The following DLG2 variants were observed in gnomAD, a reference collection of about 807,000 sequenced individuals.
DLG2 encodes the protein disks large homolog 2.
Under a neutral mutation model 132.5 loss-of-function variants are expected in DLG2, and 45 were observed. The observed-to-expected ratio is 0.34, with a 90% CI of 0.27 to 0.44. The LOEUF is 0.44. Ranked by LOEUF, DLG2 falls within the 20% of genes least tolerant of loss-of-function variation. The pLI, the probability that DLG2 is intolerant of heterozygous loss-of-function variation, is 1.00. For synonymous variants in DLG2, 424 were observed against 419.6 expected (o/e 1.01, Z -0.13); for missense variants, 1,045 against 1,196.9 (o/e 0.87, Z 1.87).
At chr11:85,395,448 G>A (rs1565427395) in intron 3 of DLG2, among the ~76,000 whole-genome samples, 1 of 152,158 alleles carries the variant, frequency 6.6e-6, no homozygotes, top group Non-Finnish European at 1.5e-5. Flanking sequence ...AAGCAGGGCG[G>A]GGTGTTGCCT....
intron 6 of DLG2, among the ~76,000 whole-genome samples, chr11:84,906,903 G>A (rs1433338222): frequency 2.6e-5 from 4 of 152,098 alleles, no homozygotes. Context: ...GCTAAAATGA[G>A]GGTATCAGTA....
At chr11:85,495,938 A>G (rs538831066) in intron 3 of DLG2, among the ~76,000 whole-genome samples, 3 of 152,344 alleles carry the variant, frequency 2.0e-5, no homozygotes, top group South Asian at 2.1e-4. Flanking sequence ...GGCTTCCAAG[A>G]TGGCCAAACA....
intron 6 of DLG2, among the ~76,000 whole-genome samples, chr11:84,991,508 C>CAAAAAAAAAA (rs760113916): frequency 9.2e-6 from 1 of 108,742 alleles, no homozygotes; most frequent in Non-Finnish European, 2.0e-5. Flanking sequence ...GACACCTTCT[C>CAAAAAAAAAA]AAAAAAAAAA....
chr11:84,706,142 C>A (rs1203409653), intron 6 of DLG2, among the ~76,000 whole-genome samples: 5 of 151,784 alleles, frequency 3.3e-5, no homozygotes, highest in African/African-American at 1.2e-4. Flanking sequence ...GGCTTCCCTC[C>A]TTGGATAGCG....
At chr11:83,721,816 T>C (rs1216446573) in intron 18 of DLG2, among the ~76,000 whole-genome samples, 1 of 152,082 alleles carries the variant, frequency 6.6e-6, no homozygotes, top group Non-Finnish European at 1.5e-5. Context: ...TGAATATAAA[T>C]AAAGAAGGTG....
At chr11:84,439,500 C>A (rs889371577) in intron 7 of DLG2, among the ~76,000 whole-genome samples, 1 of 152,162 alleles carries the variant, frequency 6.6e-6, no homozygotes, top group Non-Finnish European at 1.5e-5. Context: ...ATTTCTTTTG[C>A]TCTATGCTCC....
rs543617674 is a variant in DLG2 at position 84,785,908 on chromosome 11, T to A, written c.358-251177A>T. The stretch of plus-strand genomic sequence containing the variant: ...GACATAACAAAATATTTCAGTTCCA[T>A]CTTGTCATTTTCCTACCTAAGACCT... On this transcript the variant is annotated intron_variant, in intron 6 of 27. Transcript: ENST00000376104. 7.6e-4 allele frequency among the ~76,000 whole-genome samples: 115 copies of A among 152,238 alleles called. 3 individuals carry two copies. The highest frequency in any genetic ancestry group is 7.3e-3 in the Admixed American group (111 of 15,288).
At chr11:84,251,426 T>G (rs997076759) in intron 7 of DLG2, 135 bp from the exon 8 acceptor site, 2 of 554,974 alleles carry the variant, frequency 3.6e-6, no homozygotes, top group African/African-American at 4.0e-5. Flanking sequence ...CAAGTGTTAG[T>G]AGGGTAAATA....
chr11:84,672,866 A>T (rs748929723), intron 6 of DLG2, among the ~76,000 whole-genome samples: 9 of 152,136 alleles, frequency 5.9e-5, no homozygotes, highest in African/African-American at 1.7e-4. Flanking sequence ...TCCACAGGCT[A>T]TGCAGGAAGC....
chr11:83,780,554 A>G (rs748433920), intron 18 of DLG2, among the ~76,000 whole-genome samples: 29 of 152,186 alleles, frequency 1.9e-4, no homozygotes, highest in Admixed American at 7.9e-4. Context: ...ATCTGTGAGG[A>G]TAGGAATCAA....
intron 18 of DLG2, among the ~76,000 whole-genome samples, chr11:83,690,323 T>C (rs780657145): frequency 2.6e-5 from 4 of 151,370 alleles, no homozygotes; most frequent in Non-Finnish European, 5.9e-5. Context: ...GAAGCAACAC[T>C]GGGACAATAG....
At chr11:84,015,144 A>G (rs1031809725) in intron 11 of DLG2, among the ~76,000 whole-genome samples, 71 of 152,136 alleles carry the variant, frequency 4.7e-4, no homozygotes, top group Non-Finnish European at 1.5e-4. Context: ...TCAGTACTCA[A>G]TAAATATTAA....
intron 21 of DLG2, among the ~76,000 whole-genome samples, chr11:83,495,728 G>A (rs1225056396): frequency 6.6e-6 from 1 of 152,062 alleles, no homozygotes; most frequent in African/African-American, 2.4e-5. Flanking sequence ...TCTCACTCAT[G>A]CCCACCTGGA....
intron 3 of DLG2, among the ~76,000 whole-genome samples, chr11:85,320,663 T>C (rs2081000141): frequency 6.6e-6 from 1 of 151,798 alleles, no homozygotes; most frequent in African/African-American, 2.4e-5. Context: ...AAATAGTCAG[T>C]AAAGAGGTGA....
chr11:83,684,315 G>A (rs1303793667), intron 18 of DLG2: 1 of 152,110 alleles, frequency 6.6e-6, no homozygotes, highest in African/African-American at 2.4e-5. Flanking sequence ...ACCCTCTGTG[G>A]GACAAGGTGA....
At position 84,279,780 on chromosome 11, in the gene DLG2, G is replaced by A. The variant is rs545024787; in HGVS notation, c.520-28489C>T. Among the ~76,000 whole-genome samples, 10 of 152,288 alleles carry A rather than the reference G, an allele frequency of 6.6e-5. No individual in the cohort carries two copies. In the East Asian group the frequency reaches 1.9e-3, roughly 29 times the overall value. On this transcript the variant is annotated intron_variant, in intron 7 of 27. Coordinates refer to ENST00000376104, the MANE Select transcript of DLG2 (RefSeq NM_001142699.3). ...CAATGAGAACAAATGGACACGGGGA[G>A]GGGAACATCACACACTGGGGCCTGT...
intron 6 of DLG2, among the ~76,000 whole-genome samples, chr11:84,833,064 AG>A (rs66517917): frequency 0.55 from 83,400 of 150,980 alleles, 23,355 homozygotes; most frequent in Middle Eastern, 0.74. Flanking sequence ...AATGAACTAT[AG>A]AAAAATTTTA....
intron 3 of DLG2, among the ~76,000 whole-genome samples, chr11:85,308,455 C>A (rs1329614520): frequency 6.6e-6 from 1 of 152,066 alleles, no homozygotes; most frequent in African/African-American, 2.4e-5. Context: ...TGGCAGAAAA[C>A]CAGAGAATAG....
At chr11:84,945,074 G>A (rs761574653) in intron 6 of DLG2, among the ~76,000 whole-genome samples, 31 of 152,138 alleles carry the variant, frequency 2.0e-4, no homozygotes, top group East Asian at 3.9e-4. Context: ...TCATGTTTTC[G>A]TAGATGGTCT....
Sources: allele counts gnomAD v4.1 joint callset (sites outside exome capture counted in the v4.1 genomes callset), GRCh38; gene constraint gnomAD v4.1.1; transcripts MANE v1.5; gene names NCBI Gene and HGNC (gene_info 2026-07-23, HGNC 2026-07-21).